NETO1: variants seen among roughly 807,000 people sequenced by gnomAD.
NETO1 encodes neuropilin and tolloid like 1, also known as neuropilin and tolloid-like protein 1.
In NETO1, 26 loss-of-function variants were observed where a neutral mutation model predicts 61.3. The observed-to-expected ratio is 0.42, with a 90% CI of 0.31 to 0.59. The LOEUF is 0.59. NETO1 is among the 20% of genes least tolerant of loss of function. NETO1 has a pLI of 0.12. For missense variants in NETO1, 531 were observed against 662.8 expected (o/e 0.80, Z 2.18); for synonymous variants, 225 against 225.8 (o/e 1.00, Z 0.03).
chr18:72,790,060 G>C (rs11151800), intron 6 of NETO1, among the ~76,000 whole-genome samples: 1 of 151,938 alleles, frequency 6.6e-6, no homozygotes, highest in African/African-American at 2.4e-5. Context: ...TTGACTGAAA[G>C]TATTTTTGAA....
intron 3 of NETO1, among the ~76,000 whole-genome samples, chr18:72,862,571 A>G (rs569503981): frequency 3.3e-5 from 5 of 151,090 alleles, no homozygotes; most frequent in Non-Finnish European, 5.9e-5. Context: ...CAGTCCCAGG[A>G]TACCCTATTC....
intron 7 of NETO1, among the ~76,000 whole-genome samples, chr18:72,771,097 A>G (rs949239399): frequency 6.6e-6 from 1 of 152,164 alleles, no homozygotes; most frequent in African/African-American, 2.4e-5. Flanking sequence ...AAATTTAGTT[A>G]CTGAGATTAT....
intron 6 of NETO1, among the ~76,000 whole-genome samples, chr18:72,793,120 C>T (rs1043740498): frequency 2.0e-5 from 3 of 152,154 alleles, no homozygotes; most frequent in African/African-American, 7.2e-5. Flanking sequence ...AGGGCCTGGC[C>T]TGCTTTTTCG....
chr18:72,788,608 A>G (rs1195084761), intron 6 of NETO1, among the ~76,000 whole-genome samples: 3 of 152,148 alleles, frequency 2.0e-5, no homozygotes, highest in Non-Finnish European at 4.4e-5. Flanking sequence ...CACTAGTAAA[A>G]TAGATTATCA....
intron 8 of NETO1, among the ~76,000 whole-genome samples, chr18:72,753,751 T>C (rs557627565): frequency 6.6e-6 from 1 of 152,200 alleles, no homozygotes; most frequent in African/African-American, 2.4e-5. Context: ...ATAATCGTAA[T>C]GTTGGACTAT....
intron 8 of NETO1, among the ~76,000 whole-genome samples, chr18:72,753,378 T>C (rs1378223749): frequency 6.6e-6 from 1 of 151,254 alleles, no homozygotes; most frequent in Non-Finnish European, 1.5e-5. Flanking sequence ...GCAAAAGCAA[T>C]ACAAAATAAA....
At chr18:72,852,833 CT>C (rs71166431) in intron 4 of NETO1, among the ~76,000 whole-genome samples, 23,638 of 131,954 alleles carry the variant, frequency 0.18, 1,752 homozygotes, top group South Asian at 0.26. Context: ...TTTTCTTTTT[CT>C]TTTTTTTTTT....
intron 7 of NETO1, among the ~76,000 whole-genome samples, chr18:72,766,556 A>C (rs1029826514): frequency 6.6e-6 from 1 of 152,036 alleles, no homozygotes; most frequent in Non-Finnish European, 1.5e-5. Context: ...ATGTTTTCAA[A>C]ACTCTGTTCC....
chr18:72,780,584 T>G (rs969470386), intron 7 of NETO1, among the ~76,000 whole-genome samples: 9 of 152,288 alleles, frequency 5.9e-5, no homozygotes, highest in Non-Finnish European at 1.3e-4. Context: ...TCATGCCAGA[T>G]AATAATCCAT....
chr18:72,765,087 A>T (rs1044499625), intron 7 of NETO1, among the ~76,000 whole-genome samples: 2 of 152,148 alleles, frequency 1.3e-5, no homozygotes, highest in African/African-American at 4.8e-5. Flanking sequence ...ACACTTTCCA[A>T]TAATGTTAGG....
At position 72,823,557 on chromosome 18, in the gene NETO1, C is replaced by T. The variant is rs112866021; in HGVS notation, c.470-29153G>A. On this transcript the variant is annotated intron_variant, in intron 4 of 10. Coordinates refer to ENST00000327305, the MANE Select transcript of NETO1 (RefSeq NM_138966.5). ...GGGACATCAGTGAACCCCGAGTGGC[C>T]GCGGCCGTGTGAGAAGACGGGAGTT... Among the ~76,000 whole-genome samples, 17 of 152,068 alleles carry T rather than the reference C, an allele frequency of 1.1e-4. No homozygotes were observed. The East Asian group carries it at 2.9e-3, about 26-fold the overall frequency.
At chr18:72,767,577 T>C (rs1188385308) in intron 7 of NETO1, among the ~76,000 whole-genome samples, 1 of 152,198 alleles carries the variant, frequency 6.6e-6, no homozygotes, top group East Asian at 1.9e-4. Flanking sequence ...TCAAACTACA[T>C]GTCTGTACAC....
intron 4 of NETO1, among the ~76,000 whole-genome samples, chr18:72,831,629 T>C (rs1044337431): frequency 2.6e-5 from 4 of 152,262 alleles, no homozygotes; most frequent in Non-Finnish European, 5.9e-5. Flanking sequence ...ATGGTGATTC[T>C]ATGTCTCAAA....
At chr18:72,771,416 A>G (rs2145176469) in intron 7 of NETO1, among the ~76,000 whole-genome samples, 1 of 152,322 alleles carries the variant, frequency 6.6e-6, no homozygotes, top group Admixed American at 6.5e-5. Context: ...AATACCAGAT[A>G]TAAATGAACA....
chr18:72,816,093 CT>C (rs1412651058), intron 4 of NETO1, among the ~76,000 whole-genome samples: 1 of 151,998 alleles, frequency 6.6e-6, no homozygotes, highest in East Asian at 1.9e-4. Context: ...TTCTCTCCCC[CT>C]CTCCTCCACC....
intron 4 of NETO1, among the ~76,000 whole-genome samples, chr18:72,814,462 A>G (rs192053568): frequency 3.9e-4 from 60 of 152,172 alleles, no homozygotes; most frequent in Middle Eastern, 3.4e-3. Flanking sequence ...AGAAAAGTAG[A>G]AACTAAAAAA....
intron 4 of NETO1, among the ~76,000 whole-genome samples, chr18:72,802,935 C>T (rs2072556081): frequency 6.6e-6 from 1 of 152,178 alleles, no homozygotes; most frequent in Non-Finnish European, 1.5e-5. Flanking sequence ...ACTTTTGCTG[C>T]AGACTGAATT....
chr18:72,848,865 T>C (rs1281136839), intron 4 of NETO1, among the ~76,000 whole-genome samples: 1 of 152,226 alleles, frequency 6.6e-6, no homozygotes, highest in Non-Finnish European at 1.5e-5. Flanking sequence ...TAGTTCAAGA[T>C]GGCAACCTTT....
At chr18:72,766,819 G>A (rs7232008) in intron 7 of NETO1, among the ~76,000 whole-genome samples, 45,532 of 152,002 alleles carry the variant, frequency 0.3, 8,021 homozygotes, top group South Asian at 0.42. Flanking sequence ...GAATTTATCC[G>A]TTATTATCAT....
Sources: allele counts gnomAD v4.1 joint callset (sites outside exome capture counted in the v4.1 genomes callset), GRCh38; gene constraint gnomAD v4.1.1; transcripts MANE v1.5; gene names NCBI Gene and HGNC (gene_info 2026-07-23, HGNC 2026-07-21).